Variants in OR2L13 observed in about 807,000 individuals in gnomAD.
The protein encoded by OR2L13 is olfactory receptor family 2 subfamily L member 13.
Under a neutral mutation model 15.3 loss-of-function variants are expected in OR2L13, and 14 were observed. That is an observed-to-expected ratio of 0.91 (90% confidence interval 0.60 to 1.43). The LOEUF is 1.43. OR2L13 is among the 40% of genes most tolerant of loss of function. The pLI, the probability that OR2L13 is intolerant of heterozygous loss-of-function variation, is 0.00. For synonymous variants in OR2L13, 152 were observed against 142.9 expected, an observed-to-expected ratio of 1.06 and a Z score of -0.45; for missense variants, 367 against 387.9, an observed-to-expected ratio of 0.95 and a Z score of 0.45.
chr1:248,061,435 G>A, the OR2L13 span: 31 of 1,613,906 alleles, frequency 1.9e-5, no homozygotes, highest in African/African-American at 4.0e-5. Context: ...TTTCTACTAT[G>A]CACCTTTTGT....
the OR2L13 span, among the ~76,000 whole-genome samples, chr1:247,947,208 T>C: frequency 6.6e-6 from 1 of 152,232 alleles, no homozygotes; most frequent in African/African-American, 2.4e-5. Context: ...ATGGATTTCA[T>C]AACAGATCAT....
At chr1:248,072,779 A>G in the OR2L13 span, among the ~76,000 whole-genome samples, 2 of 152,126 alleles carry the variant, frequency 1.3e-5, no homozygotes, top group African/African-American at 4.8e-5. Flanking sequence ...CAAATTTACA[A>G]GAAAAAAAAA....
At chr1:248,022,105 A>G in the OR2L13 span, 1 of 1,613,842 alleles carries the variant, frequency 6.2e-7, no homozygotes, top group East Asian at 2.2e-5. Context: ...TTGGACACCC[A>G]TCTCCACACA....
the OR2L13 span, among the ~76,000 whole-genome samples, chr1:248,074,824 A>C: frequency 6.6e-6 from 1 of 152,200 alleles, no homozygotes; most frequent in African/African-American, 2.4e-5. Flanking sequence ...TGAATCTAAA[A>C]TACAAGTTGA....
the OR2L13 span, among the ~76,000 whole-genome samples, chr1:248,026,027 A>C: frequency 2.6e-5 from 4 of 152,178 alleles, no homozygotes; most frequent in Non-Finnish European, 4.4e-5. Flanking sequence ...GCAGCACACC[A>C]GCATAGCACA....
chr1:248,043,263 T>C, the OR2L13 span, among the ~76,000 whole-genome samples: 2 of 152,172 alleles, frequency 1.3e-5, no homozygotes, highest in East Asian at 1.9e-4. Context: ...AAGTAAGTAT[T>C]TGAGTTCTAT....
At chr1:248,049,891 C>G in the OR2L13 span, among the ~76,000 whole-genome samples, 6 of 152,006 alleles carry the variant, frequency 3.9e-5, no homozygotes, top group Non-Finnish European at 2.9e-5. Context: ...CACATTTATT[C>G]ACAGATATGT....
At chr1:248,077,033 T>C in the OR2L13 span, among the ~76,000 whole-genome samples, 3 of 152,226 alleles carry the variant, frequency 2.0e-5, no homozygotes, top group Non-Finnish European at 4.4e-5. Context: ...CCTAGTTTAT[T>C]GAGAGTGTTT....
At chr1:247,939,990 G>A in the OR2L13 span, among the ~76,000 whole-genome samples, 1 of 152,064 alleles carries the variant, frequency 6.6e-6, no homozygotes, top group Non-Finnish European at 1.5e-5. Context: ...GTGTTTTTAT[G>A]AAACTTCCTA....
chr1:248,031,563 T>G, the OR2L13 span, among the ~76,000 whole-genome samples: 1 of 152,178 alleles, frequency 6.6e-6, no homozygotes, highest in African/African-American at 2.4e-5. Context: ...AGTGACTTGC[T>G]TCTGATGTAT....
At chr1:248,014,584 T>C in the OR2L13 span, among the ~76,000 whole-genome samples, 1 of 152,130 alleles carries the variant, frequency 6.6e-6, no homozygotes, top group Non-Finnish European at 1.5e-5. Flanking sequence ...GAGCATAGTA[T>C]GTGGAAACAA....
At chr1:248,040,023 C>A in the OR2L13 span, 1 of 152,182 alleles carries the variant, frequency 6.6e-6, no homozygotes, top group African/African-American at 2.4e-5. Flanking sequence ...TTATTTGAAT[C>A]ATTTCCCAGT....
At chr1:247,952,341 T>C in the OR2L13 span, among the ~76,000 whole-genome samples, 3 of 152,256 alleles carry the variant, frequency 2.0e-5, no homozygotes, top group South Asian at 6.2e-4. Flanking sequence ...TGAAAATCTA[T>C]ATGTTTAAAT....
chr1:247,941,343 A>C, the OR2L13 span, among the ~76,000 whole-genome samples: 1 of 152,124 alleles, frequency 6.6e-6, no homozygotes, highest in Non-Finnish European at 1.5e-5. Flanking sequence ...TATATCATAG[A>C]TATTGAAAGG....
the OR2L13 span, chr1:247,974,909 G>T: frequency 3.8e-6 from 1 of 260,262 alleles, no homozygotes. Flanking sequence ...ATCTCCACAC[G>T]CCCATTTATT....
chr1:247,993,876 C>T, the OR2L13 span, among the ~76,000 whole-genome samples: 4 of 151,498 alleles, frequency 2.6e-5, no homozygotes, highest in Non-Finnish European at 5.9e-5. Flanking sequence ...AATGGACATG[C>T]ATTGGTACCT....
chr1:248,003,295 C>A, the OR2L13 span: 46 of 1,580,742 alleles, frequency 2.9e-5, no homozygotes, highest in African/African-American at 3.9e-4. Flanking sequence ...CTCATCTCCA[C>A]ACACCCATGT....
chr1:247,967,187 A>C, the OR2L13 span, among the ~76,000 whole-genome samples: 1 of 151,996 alleles, frequency 6.6e-6, no homozygotes, highest in Non-Finnish European at 1.5e-5. Flanking sequence ...AATGCACATC[A>C]TCCATTCATT....
the OR2L13 span, among the ~76,000 whole-genome samples, chr1:247,957,521 C>A: frequency 1.3e-5 from 2 of 152,160 alleles, no homozygotes; most frequent in African/African-American, 4.8e-5. Flanking sequence ...AAGAATGGTA[C>A]GAGCTCCTCC....
Sources: allele counts gnomAD v4.1 joint callset (sites outside exome capture counted in the v4.1 genomes callset), GRCh38; gene constraint gnomAD v4.1.1; transcripts MANE v1.5; gene names NCBI Gene and HGNC (gene_info 2026-07-23, HGNC 2026-07-21).